Variants in PLCG2 observed in about 807,000 individuals in gnomAD.
The protein encoded by PLCG2 is 1-phosphatidylinositol 4,5-bisphosphate phosphodiesterase gamma-2.
A neutral mutation model predicts 175.6 loss-of-function variants in PLCG2; 69 were observed. The ratio of observed to expected loss-of-function variants is 0.39; its 90% CI spans 0.32 to 0.48. The LOEUF is 0.48. PLCG2 is among the 20% of genes least tolerant of loss of function. The pLI is 0.91. For synonymous variants in PLCG2, 827 were observed against 624.0 expected (o/e 1.33, Z -4.85); for missense variants, 1,798 against 1,650.9 (o/e 1.09, Z -1.54).
intron 2 of PLCG2, among the ~76,000 whole-genome samples, chr16:81,805,648 C>T (rs1911971341): frequency 1.3e-5 from 2 of 151,964 alleles, no homozygotes; most frequent in African/African-American, 4.8e-5. Flanking sequence ...ACTCACAATG[C>T]TTTGCCATCC....
chr16:81,815,835 C>T (rs1308819850), intron 2 of PLCG2, among the ~76,000 whole-genome samples: 6 of 151,444 alleles, frequency 4.0e-5, no homozygotes, highest in Admixed American at 1.3e-4. Context: ...CCAAGGTGGG[C>T]GGATCACTTG....
intron 1 of PLCG2, among the ~76,000 whole-genome samples, chr16:81,750,458 C>T (rs1185820048): frequency 1.3e-5 from 2 of 151,194 alleles, no homozygotes; most frequent in Middle Eastern, 3.5e-3. Context: ...CACAGCAATC[C>T]CACTTCTGGA....
chr16:81,748,215 C>A (rs907401254), intron 1 of PLCG2, among the ~76,000 whole-genome samples: 29 of 152,214 alleles, frequency 1.9e-4, no homozygotes, highest in African/African-American at 7.0e-4. Context: ...CATGGTGAAA[C>A]TCCATCTCTA....
At chr16:81,784,802 A>T (rs1186749678) in intron 1 of PLCG2, among the ~76,000 whole-genome samples, 1 of 152,158 alleles carries the variant, frequency 6.6e-6, no homozygotes, top group Non-Finnish European at 1.5e-5. Context: ...GACTTCTTGC[A>T]GCCTAGCTGG....
intron 31 of PLCG2, among the ~76,000 whole-genome samples, chr16:81,947,977 G>A (rs1267470272): frequency 6.6e-6 from 1 of 152,092 alleles, no homozygotes; most frequent in African/African-American, 2.4e-5. Context: ...CTTCACAGAC[G>A]ACTTTAAATG....
At chr16:81,854,130 C>T (rs75976328) in intron 2 of PLCG2, among the ~76,000 whole-genome samples, 4,984 of 152,152 alleles carry the variant, frequency 0.033, 260 homozygotes, top group African/African-American at 0.11. Context: ...TGCTTATTTC[C>T]TGAAATCTCA....
intron 9 of PLCG2, among the ~76,000 whole-genome samples, chr16:81,885,008 C>T (rs1908285221): frequency 6.6e-6 from 1 of 151,960 alleles, no homozygotes; most frequent in Non-Finnish European, 1.5e-5. Flanking sequence ...CTGCCTCAGC[C>T]TCCCGAATAG....
chr16:81,861,228 G>A (rs945472902), intron 5 of PLCG2, among the ~76,000 whole-genome samples: 1 of 152,046 alleles, frequency 6.6e-6, no homozygotes, highest in African/African-American at 2.4e-5. Flanking sequence ...ATTATCCTAT[G>A]TGGATATGTC....
chr16:81,751,359 G>C (rs750715522), intron 1 of PLCG2, among the ~76,000 whole-genome samples: 1 of 152,192 alleles, frequency 6.6e-6, no homozygotes, highest in Non-Finnish European at 1.5e-5. Flanking sequence ...TATGCTAAGT[G>C]AAATAAGCCA....
At chr16:81,822,145 A>G (rs191617341) in intron 2 of PLCG2, among the ~76,000 whole-genome samples, 6 of 152,012 alleles carry the variant, frequency 3.9e-5, no homozygotes, top group South Asian at 2.1e-4. Flanking sequence ...CTTGTTATCA[A>G]TTTCTCTTAG....
intron 2 of PLCG2, among the ~76,000 whole-genome samples, chr16:81,825,496 T>C (rs554794389): frequency 6.6e-6 from 1 of 152,062 alleles, no homozygotes; most frequent in South Asian, 2.1e-4. Context: ...GGTTTCACCA[T>C]GTTGGCCAGG....
intron 25 of PLCG2, among the ~76,000 whole-genome samples, chr16:81,933,225 C>A (rs1004230772): frequency 6.6e-6 from 1 of 152,170 alleles, no homozygotes; most frequent in Non-Finnish European, 1.5e-5. Flanking sequence ...CCTGTTATTA[C>A]ATCTGAGGGG....
intron 2 of PLCG2, among the ~76,000 whole-genome samples, chr16:81,853,027 C>A (rs575222168): frequency 6.6e-6 from 1 of 152,136 alleles, no homozygotes; most frequent in South Asian, 2.1e-4. Flanking sequence ...AGGTACCAGG[C>A]CTTCTTAAGT....
At chr16:81,935,204 A>G (rs1910657192) in intron 26 of PLCG2, among the ~76,000 whole-genome samples, 1 of 152,124 alleles carries the variant, frequency 6.6e-6, no homozygotes, top group Admixed American at 6.5e-5. Context: ...GGGGAAAGCC[A>G]TTCCCTTCTT....
intron 32 of PLCG2, among the ~76,000 whole-genome samples, chr16:81,957,199 TGA>T (rs1911609275): frequency 6.6e-6 from 1 of 152,098 alleles, no homozygotes. Flanking sequence ...CTTGGGAGGC[TGA>T]GGCAGGAGAA....
intron 5 of PLCG2, among the ~76,000 whole-genome samples, chr16:81,859,472 A>T (rs996870715): frequency 2.0e-5 from 3 of 152,224 alleles, no homozygotes; most frequent in African/African-American, 7.2e-5. Context: ...CACACTCCTG[A>T]TGGCACCAGC....
chr16:81,933,358 G>A (rs959506421), intron 25 of PLCG2, among the ~76,000 whole-genome samples: 3 of 152,154 alleles, frequency 2.0e-5, no homozygotes, highest in African/African-American at 4.8e-5. Context: ...AACCAGCGGC[G>A]GATAAACTCT....
rs1911768207 is a variant in PLCG2 at position 81,961,267 on chromosome 16, G to C, written c.*3269G>C. The stretch of plus-strand genomic sequence containing the variant: ...GATCAACATCTCCATAAATGAAATT[G>C]AAAACGGAAAATAGAATTGATGATG... On this transcript the variant is annotated 3_prime_UTR_variant, in exon 33 of 33. Coordinates refer to ENST00000564138, the MANE Select transcript of PLCG2 (RefSeq NM_002661.5). The C allele has an allele frequency of 4.4e-6, 1 of 225,456 alleles. No homozygotes were observed. The highest frequency in any genetic ancestry group is 5.7e-5 in the Admixed American group (1 of 17,516). 14.0% of individuals were successfully genotyped at this position (225,456 alleles called of 1,614,324 possible).
chr16:81,955,462 A>T (rs546681360), intron 31 of PLCG2, among the ~76,000 whole-genome samples: 1 of 152,226 alleles, frequency 6.6e-6, no homozygotes, highest in East Asian at 1.9e-4. Flanking sequence ...AAACATCCTC[A>T]TCCTCCCCCT....
Sources: allele counts gnomAD v4.1 joint callset (sites outside exome capture counted in the v4.1 genomes callset), GRCh38; gene constraint gnomAD v4.1.1; transcripts MANE v1.5; gene names NCBI Gene and HGNC (gene_info 2026-07-23, HGNC 2026-07-21).